TRHDE: variants seen among roughly 807,000 people sequenced by gnomAD.
TRHDE encodes the protein thyrotropin releasing hormone degrading enzyme.
In TRHDE, 72 loss-of-function variants were observed where a neutral mutation model predicts 125.7. That is an observed-to-expected ratio of 0.57 (90% CI 0.47 to 0.70). The LOEUF (loss-of-function observed/expected upper bound fraction) is 0.70. Among genes scored for constraint, TRHDE ranks in the 30% least tolerant of loss-of-function variants. TRHDE has a pLI of 0.00. For synonymous variants in TRHDE, 509 were observed against 509.1 expected (o/e 1.00, Z 0.00); for missense variants, 1,110 against 1,327.1 (o/e 0.84, Z 2.54).
chr12:72,303,803 T>C (rs1468348706), intron 2 of TRHDE, among the ~76,000 whole-genome samples: 2 of 152,144 alleles, frequency 1.3e-5, no homozygotes, highest in Admixed American at 6.6e-5. Flanking sequence ...AAATATAATC[T>C]TTATGTCACA....
rs59206098 is a variant in TRHDE at position 72,571,974 on chromosome 12, A to AACACACACACACACACACACACAC, written c.2132-3260_2132-3237dup. Among the ~76,000 whole-genome samples the AACACACACACACACACACACACAC allele has an allele frequency of 1.2e-3, 153 of 127,510 alleles. 5 individuals carry two copies. Among genetic ancestry groups the AACACACACACACACACACACACAC allele is most frequent in the South Asian group, 3.3e-3 (11 of 3,300 alleles). The allele number at this position is 127,510 out of a possible 152,430, so 83.7% of individuals were successfully genotyped here. ...TTCCTACCGTTCCCCTGACTCTGCA[A>AACACACACACACACACACACACAC]ACACACACACACACACACACACACA... On this transcript the variant is annotated intron_variant, in intron 10 of 18. Coordinates refer to ENST00000261180, the MANE Select transcript of TRHDE (RefSeq NM_013381.3).
Position 72,473,135 on chromosome 12 carries a change from C to T in TRHDE, c.1539C>T (p.Tyr513=). 2 of 1,613,948 alleles carry T rather than the reference C, an allele frequency of 1.2e-6. No homozygotes were observed. The highest frequency in any genetic ancestry group is 1.3e-5 in the African/African-American group (1 of 75,022). The change falls in exon 5 of 19, where the codon TAC becomes TAT. Residue 513 remains tyrosine (Y), a synonymous_variant. Transcript: ENST00000261180. The stretch of plus-strand genomic sequence containing the variant: ...GGCTGAAGGAAGGGTTTGCTCACTA[C>T]TTTGAATTTGTTGGTACAGACTACC... The part of the protein sequence containing the change: ...DVWLKEGFAH[Y]FEFVGTDYLY...
chr12:72,383,786 A>G (rs559692586), intron 3 of TRHDE, among the ~76,000 whole-genome samples: 6 of 147,016 alleles, frequency 4.1e-5, no homozygotes, highest in African/African-American at 1.5e-4. Flanking sequence ...ATATGTTTTG[A>G]CCACACAGCA....
At chr12:72,300,642 C>T (rs950443846) in intron 2 of TRHDE, among the ~76,000 whole-genome samples, 1 of 151,292 alleles carries the variant, frequency 6.6e-6, no homozygotes, top group Admixed American at 6.6e-5. Context: ...TATGTTCTCA[C>T]ATGATATATA....
intron 3 of TRHDE, among the ~76,000 whole-genome samples, chr12:72,391,227 CT>C (rs1872601026): frequency 6.6e-6 from 1 of 152,124 alleles, no homozygotes; most frequent in South Asian, 2.1e-4. Flanking sequence ...GTCTTAAAGT[CT>C]TTCATTACTG....
intron 6 of TRHDE, 139 bp from the exon 7 acceptor site, chr12:72,542,152 T>A (rs1483847558): frequency 3.8e-6 from 2 of 527,552 alleles, no homozygotes; most frequent in Non-Finnish European, 6.1e-6. Flanking sequence ...AGTTGGATGT[T>A]GTTTTCATGA....
At chr12:72,314,350 T>C (rs944012507) in intron 2 of TRHDE, among the ~76,000 whole-genome samples, 5 of 148,500 alleles carry the variant, frequency 3.4e-5, no homozygotes, top group Non-Finnish European at 7.5e-5. Context: ...CCTTCCTTCT[T>C]TTTTTTTAAA....
At chr12:72,215,618 G>T (rs1351104794) in intron 2 of TRHDE, among the ~76,000 whole-genome samples, 1 of 152,156 alleles carries the variant, frequency 6.6e-6, no homozygotes, top group African/African-American at 2.4e-5. Flanking sequence ...TGTAGTTTGG[G>T]ATCCCACAGC....
chr12:72,371,794 T>C (rs953986891), intron 2 of TRHDE, among the ~76,000 whole-genome samples: 4 of 152,188 alleles, frequency 2.6e-5, no homozygotes, highest in African/African-American at 9.7e-5. Context: ...TCTATCATTG[T>C]TGGACATTTG....
chr12:72,295,075 G>C (rs550079884), intron 2 of TRHDE, among the ~76,000 whole-genome samples: 2 of 150,416 alleles, frequency 1.3e-5, no homozygotes, highest in African/African-American at 4.9e-5. Flanking sequence ...TGAGTCCGCA[G>C]CTGTGGTTTG....
At chr12:72,545,980 G>A (rs1003872878) in intron 7 of TRHDE, among the ~76,000 whole-genome samples, 1 of 151,554 alleles carries the variant, frequency 6.6e-6, no homozygotes. Flanking sequence ...GTTTTGAGAA[G>A]AGCCAACATC....
At chr12:72,149,784 G>T (rs1202887419) in intron 2 of TRHDE, among the ~76,000 whole-genome samples, 2 of 151,966 alleles carry the variant, frequency 1.3e-5, no homozygotes, top group Non-Finnish European at 2.9e-5. Flanking sequence ...CTAAAATTGG[G>T]TGAAAAGAAA....
At chr12:72,361,153 C>T (rs1394636818) in intron 2 of TRHDE, among the ~76,000 whole-genome samples, 1 of 151,774 alleles carries the variant, frequency 6.6e-6, no homozygotes, top group Non-Finnish European at 1.5e-5. Context: ...CCTTTTACTT[C>T]TTTGTTAATT....
intron 12 of TRHDE, among the ~76,000 whole-genome samples, chr12:72,584,706 T>C (rs1871371483): frequency 6.6e-6 from 1 of 152,202 alleles, no homozygotes; most frequent in African/African-American, 2.4e-5. Context: ...TCCAGGTTCA[T>C]CCATGTTGTC....
At chr12:72,268,438 A>G (rs555732623), upstream of TRHDE, among the ~76,000 whole-genome samples, 3 of 152,264 alleles carry the variant, frequency 2.0e-5, no homozygotes, top group South Asian at 6.2e-4. Context: ...ACAGAAGTCC[A>G]GAGCTGAAAG....
At chr12:72,480,214 T>C (rs4019067) in intron 5 of TRHDE, among the ~76,000 whole-genome samples, 15,201 of 110,990 alleles carry the variant, frequency 0.14, 839 homozygotes, top group African/African-American at 0.23. Context: ...TATTTCTAGT[T>C]CTAGATCCCT....
intron 1 of TRHDE, among the ~76,000 whole-genome samples, chr12:72,098,595 T>C (rs1802199496): frequency 1.3e-5 from 2 of 152,326 alleles, no homozygotes; most frequent in African/African-American, 4.8e-5. Context: ...GTAAAAGTTA[T>C]GTTGTGTCCC....
intron 15 of TRHDE, among the ~76,000 whole-genome samples, chr12:72,631,880 T>A (rs1873510954): frequency 6.6e-6 from 1 of 151,964 alleles, no homozygotes; most frequent in South Asian, 2.1e-4. Flanking sequence ...GTCTGAGGAA[T>A]CAGCCTTGTT....
intron 3 of TRHDE, among the ~76,000 whole-genome samples, chr12:72,397,176 T>C (rs191742621): frequency 1.3e-5 from 2 of 152,228 alleles, no homozygotes; most frequent in Non-Finnish European, 2.9e-5. Context: ...TAAAACAGAA[T>C]CAGAGTCATC....
Sources: gnomAD v4.1 joint callset for allele counts (sites outside exome capture counted in the v4.1 genomes callset) on GRCh38, gnomAD v4.1.1 for gene constraint, MANE v1.5 for transcripts, NCBI Gene and HGNC (gene_info 2026-07-23, HGNC 2026-07-21) for gene names.